The following GALNT13 variants were observed in gnomAD, a reference collection of about 807,000 sequenced individuals.
The protein encoded by GALNT13 is UDP-GalNAc:polypeptide N-acetylgalactosaminyltransferase 13.
In GALNT13, 28 loss-of-function variants were observed where a neutral mutation model predicts 64.2. That is an observed-to-expected ratio of 0.44 (90% CI 0.32 to 0.60). The LOEUF is 0.60. GALNT13 is among the 20% of genes least tolerant of loss of function. The pLI is 0.05. For missense variants in GALNT13, 577 were observed against 669.8 expected (o/e 0.86, Z 1.53); for synonymous variants, 214 against 224.6 (o/e 0.95, Z 0.42).
the GALNT13 span, among the ~76,000 whole-genome samples, chr2:153,123,949 T>C: frequency 6.6e-6 from 1 of 152,150 alleles, no homozygotes; most frequent in Non-Finnish European, 1.5e-5. Context: ...AAATAGCATA[T>C]GGGAAACATA....
chr2:153,813,315 T>A, the GALNT13 span, among the ~76,000 whole-genome samples: 2 of 152,172 alleles, frequency 1.3e-5, no homozygotes, highest in African/African-American at 4.8e-5. Context: ...AATCTTAAGA[T>A]ATAAAATATT....
the GALNT13 span, among the ~76,000 whole-genome samples, chr2:153,409,825 A>T: frequency 1.3e-4 from 20 of 152,350 alleles, 1 homozygote; most frequent in African/African-American, 4.8e-4. Context: ...GGAAAAAGCA[A>T]ATAATAAACA....
At chr2:154,013,865 A>C (rs971408342) in intron 3 of GALNT13, among the ~76,000 whole-genome samples, 60 of 152,062 alleles carry the variant, frequency 3.9e-4, no homozygotes, top group African/African-American at 1.3e-3. Context: ...CTGCAGTGAG[A>C]AGAGGCTGTG....
the GALNT13 span, among the ~76,000 whole-genome samples, chr2:153,264,890 CAT>C: frequency 6.6e-6 from 1 of 152,166 alleles, no homozygotes; most frequent in African/African-American, 2.4e-5. Context: ...CACCATGGCA[CAT>C]GTTTACCTAT....
chr2:154,266,731 C>G (rs1040200244), intron 8 of GALNT13, among the ~76,000 whole-genome samples: 1 of 151,636 alleles, frequency 6.6e-6, no homozygotes, highest in Non-Finnish European at 1.5e-5. Flanking sequence ...TATTTACTTA[C>G]TATTGCATAT....
At chr2:153,493,145 A>G in the GALNT13 span, among the ~76,000 whole-genome samples, 1 of 152,096 alleles carries the variant, frequency 6.6e-6, no homozygotes, top group Non-Finnish European at 1.5e-5. Flanking sequence ...AGTAAATAGA[A>G]GACGGAAATA....
the GALNT13 span, among the ~76,000 whole-genome samples, chr2:153,403,866 G>A: frequency 6.6e-6 from 1 of 152,166 alleles, no homozygotes; most frequent in Admixed American, 6.5e-5. Context: ...ACCTCAGATG[G>A]AAATGCAGAA....
chr2:154,234,918 T>TA (rs1408223746), intron 4 of GALNT13, among the ~76,000 whole-genome samples: 4 of 152,142 alleles, frequency 2.6e-5, no homozygotes, highest in African/African-American at 9.6e-5. Flanking sequence ...TGAAAGAGTA[T>TA]AAAAAAGTAA....
At chr2:154,278,334 AG>A (rs373777326) in intron 8 of GALNT13, among the ~76,000 whole-genome samples, 38 of 152,296 alleles carry the variant, frequency 2.5e-4, no homozygotes, top group African/African-American at 9.1e-4. Flanking sequence ...TGACCCTACA[AG>A]AGAAGACCTC....
At chr2:154,410,112 G>A (rs1363532457) in intron 11 of GALNT13, among the ~76,000 whole-genome samples, 1 of 151,822 alleles carries the variant, frequency 6.6e-6, no homozygotes, top group Non-Finnish European at 1.5e-5. Flanking sequence ...TACAGCATGG[G>A]AAATTGACCT....
chr2:154,443,183 T>C (rs1473486253), intron 12 of GALNT13, among the ~76,000 whole-genome samples: 7 of 152,116 alleles, frequency 4.6e-5, no homozygotes, highest in African/African-American at 1.7e-4. Context: ...TTATTACCTT[T>C]CCATATTCCT....
intron 4 of GALNT13, among the ~76,000 whole-genome samples, chr2:154,189,699 G>C (rs1686464302): frequency 6.6e-6 from 1 of 151,760 alleles, no homozygotes; most frequent in Non-Finnish European, 1.5e-5. Context: ...AGAATGATTT[G>C]AAATGGTAAA....
At chr2:153,560,327 C>A in the GALNT13 span, among the ~76,000 whole-genome samples, 11 of 151,900 alleles carry the variant, frequency 7.2e-5, no homozygotes, top group Non-Finnish European at 1.5e-4. Flanking sequence ...TGTAAAATTA[C>A]CAGGTTAATA....
chr2:153,987,574 T>G (rs921023614), intron 3 of GALNT13, among the ~76,000 whole-genome samples: 1 of 151,882 alleles, frequency 6.6e-6, no homozygotes, highest in African/African-American at 2.4e-5. Flanking sequence ...TGTAATGAAT[T>G]TGGGCATATT....
intron 3 of GALNT13, among the ~76,000 whole-genome samples, chr2:154,051,558 G>C (rs913026427): frequency 5.3e-5 from 8 of 151,934 alleles, no homozygotes; most frequent in African/African-American, 1.9e-4. Context: ...CCAAAGTGCT[G>C]GGATTACAGG....
At chr2:153,824,684 T>G in the GALNT13 span, among the ~76,000 whole-genome samples, 1 of 152,182 alleles carries the variant, frequency 6.6e-6, no homozygotes, top group African/African-American at 2.4e-5. Context: ...CAATCAAATC[T>G]CATGTTCAGT....
chr2:153,621,248 T>A, the GALNT13 span, among the ~76,000 whole-genome samples: 1 of 152,166 alleles, frequency 6.6e-6, no homozygotes, highest in Non-Finnish European at 1.5e-5. Flanking sequence ...TGTATTCCAA[T>A]GATGTTACCT....
the GALNT13 span, among the ~76,000 whole-genome samples, chr2:153,708,808 A>G: frequency 2.6e-5 from 4 of 152,168 alleles, no homozygotes; most frequent in South Asian, 4.1e-4. Flanking sequence ...ACATTGACCA[A>G]TGGAATATAA....
At chr2:153,150,831 T>C in the GALNT13 span, among the ~76,000 whole-genome samples, 2 of 152,120 alleles carry the variant, frequency 1.3e-5, no homozygotes, top group African/African-American at 4.8e-5. Flanking sequence ...CATTGGTTTA[T>C]ATCTCTGTTT....
Sources: allele counts gnomAD v4.1 joint callset (sites outside exome capture counted in the v4.1 genomes callset), GRCh38; gene constraint gnomAD v4.1.1; transcripts MANE v1.5; gene names NCBI Gene and HGNC (gene_info 2026-07-23, HGNC 2026-07-21).